TRAPPC3L: variants seen among roughly 807,000 people sequenced by gnomAD.
TRAPPC3L encodes trafficking protein particle complex subunit 3-like protein.
TRAPPC3L carries 23 observed loss-of-function variants against 23.7 expected under a neutral mutation model. The ratio of observed to expected loss-of-function variants is 0.97; its 90% CI spans 0.70 to 1.37. The LOEUF is 1.37. Among genes scored for constraint, TRAPPC3L ranks in the 40% most tolerant of loss-of-function variants. The pLI, the probability that TRAPPC3L is intolerant of heterozygous loss-of-function variation, is 0.00. For missense variants in TRAPPC3L, 212 were observed against 216.8 expected (o/e 0.98, Z 0.14); for synonymous variants, 81 against 77.9 (o/e 1.04, Z -0.21).
At chr6:116,534,347 C>A (rs113015914) in intron 3 of TRAPPC3L, among the ~76,000 whole-genome samples, 1 of 152,218 alleles carries the variant, frequency 6.6e-6, no homozygotes, top group Non-Finnish European at 1.5e-5. Context: ...AAATCTATAG[C>A]CCTCATGCTG....
Position 116,545,675 on chromosome 6 carries a change from G to C in TRAPPC3L, c.-161C>G. 2.0e-6 allele frequency: 1 copy of C among 491,492 alleles called. No homozygotes were observed. Among genetic ancestry groups the C allele is most frequent in the Non-Finnish European group, 3.5e-6 (1 of 286,940 alleles). The allele number at this position is 491,492 out of a possible 1,614,324, so 30.4% of individuals were successfully genotyped here. ...CTCTGCTGCTTTTGCTCTTTGCTGA[G>C]CTGAAGAGGGAAAAAAACCATGAAC... On this transcript the variant is annotated 5_prime_UTR_variant, in exon 1 of 5. Transcript: ENST00000368602.
intron 3 of TRAPPC3L, among the ~76,000 whole-genome samples, chr6:116,534,387 G>A (rs538367594): frequency 8.2e-4 from 124 of 152,144 alleles, no homozygotes; most frequent in Non-Finnish European, 1.6e-3. Flanking sequence ...CAGGAGTTTT[G>A]GCTTGAAATA....
intron 2 of TRAPPC3L, among the ~76,000 whole-genome samples, chr6:116,542,610 A>C (rs1232671119): frequency 4.6e-5 from 7 of 152,098 alleles, no homozygotes; most frequent in Non-Finnish European, 1.0e-4. Flanking sequence ...ATTGTTTGGC[A>C]ATCATCTGAT....
At chr6:116,497,346 G>A (rs111647251) in intron 4 of TRAPPC3L, among the ~76,000 whole-genome samples, 15 of 152,272 alleles carry the variant, frequency 9.9e-5, no homozygotes, top group Non-Finnish European at 1.9e-4. Context: ...AATGTGCAAG[G>A]CTGAACTCTG....
intron 3 of TRAPPC3L, among the ~76,000 whole-genome samples, chr6:116,509,536 A>G (rs1178079090): frequency 6.6e-6 from 1 of 152,148 alleles, no homozygotes; most frequent in African/African-American, 2.4e-5. Context: ...CTCAGAACCA[A>G]TTGATCTTTG....
intron 3 of TRAPPC3L, chr6:116,511,615 G>A: frequency 7.7e-7 from 1 of 1,302,710 alleles, no homozygotes; most frequent in Non-Finnish European, 1.1e-6. Context: ...TTCTGATGAA[G>A]AAAGAGCTCC....
chr6:116,521,397 G>A (rs1211749913), intron 3 of TRAPPC3L: 1 of 152,002 alleles, frequency 6.6e-6, no homozygotes, highest in African/African-American at 2.4e-5. Flanking sequence ...AAATCCCAGA[G>A]CCAAAGGCAA....
rs558078804 is a variant in TRAPPC3L, at chr6:116,519,553, TA to T, written c.241-18888del. ...CCAATGGTCATACTAATGTTTGCCA[TA>T]ACAGTCTCTTCTAGGTCTAGACTTG... On this transcript the variant is annotated intron_variant, in intron 3 of 4. Transcript: ENST00000368602. The T allele has an allele frequency of 2.0e-5, 3 of 152,332 alleles. No homozygotes were observed. In the South Asian group the frequency reaches 6.2e-4, roughly 32 times the overall value. The allele number at this position is 152,332 out of a possible 1,614,324, so 9.4% of individuals were successfully genotyped here. A position where few individuals can be genotyped will look rare whatever the true frequency, so the allele number is the denominator to read the frequency against.
chr6:116,500,749 C>T, intron 3 of TRAPPC3L, 83 bp from the exon 4 acceptor site: 1 of 1,211,016 alleles, frequency 8.3e-7, no homozygotes, highest in Non-Finnish European at 1.2e-6. Context: ...CAGTTCTAGG[C>T]ATTGCAGCAC....
Position 116,511,971 on chromosome 6 carries a change from A to G in TRAPPC3L, c.241-11305T>C, listed in dbSNP as rs767174345. On this transcript the variant is annotated intron_variant, in intron 3 of 4. Transcript: ENST00000368602. Reference sequence around the variant, plus strand: ...CCCAGGAAAATCTTTCCCAGAGGCCACAGCTGCCGTTTCTTCTACGTCCTC... The same window carrying G: ...CCCAGGAAAATCTTTCCCAGAGGCCGCAGCTGCCGTTTCTTCTACGTCCTC... 7 of 1,613,974 alleles carry G rather than the reference A, an allele frequency of 4.3e-6. No homozygotes were observed. The East Asian group carries it at 1.3e-4, about 31-fold the overall frequency.
At position 116,545,545 on chromosome 6, in the gene TRAPPC3L, A is replaced by G; in HGVS notation, c.-31T>C. The G allele has an allele frequency of 6.5e-7, 1 of 1,541,704 alleles. No homozygotes were observed. Among genetic ancestry groups the G allele is most frequent in the Non-Finnish European group, 8.8e-7 (1 of 1,140,500 alleles). On this transcript the variant is annotated 5_prime_UTR_variant, in exon 1 of 5. Transcript: ENST00000368602. ...TTGATAGATGAAGAATATGATCTTC[A>G]ATTTCTCTTCTTTTGCCTGTTTCTT...
At chr6:116,521,558 C>G (rs1278771057) in intron 3 of TRAPPC3L, 1 of 149,472 alleles carries the variant, frequency 6.7e-6, no homozygotes, top group Non-Finnish European at 1.5e-5. Flanking sequence ...CCATCCTCTC[C>G]CTTTTTGTCC....
chr6:116,511,901 C>A lies in TRAPPC3L; in HGVS notation c.241-11235G>T, dbSNP rs757032136. Reference sequence around the variant, plus strand: ...GGTGTTACTGATCCTGGGATTCTTTCTGAACAATAGGTCGTGGAGACTCTT... The same window carrying A: ...GGTGTTACTGATCCTGGGATTCTTTATGAACAATAGGTCGTGGAGACTCTT... On this transcript the variant is annotated intron_variant, in intron 3 of 4. Coordinates refer to ENST00000368602, the MANE Select transcript of TRAPPC3L (RefSeq NM_001139444.3). 12 of 1,613,882 alleles carry A rather than the reference C, an allele frequency of 7.4e-6. No homozygotes were observed. Among genetic ancestry groups the A allele is most frequent in the African/African-American group, 1.3e-5 (1 of 74,866 alleles).
chr6:116,543,424 G>A, intron 1 of TRAPPC3L, 24 bp from the exon 2 acceptor site: 2 of 1,524,436 alleles, frequency 1.3e-6, no homozygotes, highest in Non-Finnish European at 1.8e-6. Flanking sequence ...GGTAGTTTCT[G>A]GTTATAGGCA....
chr6:116,516,479 G>T (rs1026764861), intron 3 of TRAPPC3L: 7 of 152,046 alleles, frequency 4.6e-5, no homozygotes, highest in Non-Finnish European at 1.5e-5. Context: ...AGGATCTGAA[G>T]ATCTCAGTTC....
At chr6:116,500,229 A>C (rs148781142) in intron 4 of TRAPPC3L, among the ~76,000 whole-genome samples, 1 of 152,348 alleles carries the variant, frequency 6.6e-6, no homozygotes, top group African/African-American at 2.4e-5. Context: ...GCTTGACTGC[A>C]TGTGTATTAA....
intron 3 of TRAPPC3L, among the ~76,000 whole-genome samples, chr6:116,528,597 T>C (rs1158087433): frequency 1.3e-5 from 2 of 152,254 alleles, no homozygotes; most frequent in East Asian, 1.9e-4. Context: ...TTTTTAAATA[T>C]TGAGAATTTT....
intron 3 of TRAPPC3L, among the ~76,000 whole-genome samples, chr6:116,538,395 T>C (rs986709516): frequency 2.0e-5 from 3 of 152,260 alleles, no homozygotes; most frequent in Non-Finnish European, 4.4e-5. Context: ...AGGTTGTATA[T>C]GCCTCTACTT....
At chr6:116,500,811 C>A in intron 3 of TRAPPC3L, 145 bp from the exon 4 acceptor site, 2 of 716,260 alleles carry the variant, frequency 2.8e-6, no homozygotes, top group Non-Finnish European at 4.6e-6. Context: ...TCACCCTTAG[C>A]TTTGCAATTT....
Sources: gnomAD v4.1 joint callset for allele counts (sites outside exome capture counted in the v4.1 genomes callset) on GRCh38, gnomAD v4.1.1 for gene constraint, MANE v1.5 for transcripts, NCBI Gene and HGNC (gene_info 2026-07-23, HGNC 2026-07-21) for gene names.